Variants in UNC13C observed in about 807,000 individuals in gnomAD.
UNC13C encodes the protein protein unc-13 homolog C.
Under a neutral mutation model 245.4 loss-of-function variants are expected in UNC13C, and 174 were observed. That is an observed-to-expected ratio of 0.71 (90% CI 0.63 to 0.80). The LOEUF (loss-of-function observed/expected upper bound fraction) is 0.80. Ranked by LOEUF, UNC13C falls within the 30% of genes least tolerant of loss-of-function variation. The pLI, the probability that UNC13C is intolerant of heterozygous loss-of-function variation, is 0.00. For missense variants in UNC13C, 2,829 were observed against 2,602.9 expected, an observed-to-expected ratio of 1.09 and a Z score of -1.89; for synonymous variants, 992 against 895.1, an observed-to-expected ratio of 1.11 and a Z score of -1.93.
intron 30 of UNC13C, among the ~76,000 whole-genome samples, chr15:54,614,760 A>T (rs2141295880): frequency 6.6e-6 from 1 of 152,054 alleles, no homozygotes; most frequent in East Asian, 1.9e-4. Context: ...ATATACTTAG[A>T]CATTTTGCCC....
intron 29 of UNC13C, among the ~76,000 whole-genome samples, chr15:54,559,280 A>C (rs897164603): frequency 6.6e-6 from 1 of 152,068 alleles, no homozygotes; most frequent in African/African-American, 2.4e-5. Flanking sequence ...CCAGGCAAAC[A>C]TAAGAGCATG....
At chr15:54,484,284 A>C (rs1187927585) in intron 19 of UNC13C, among the ~76,000 whole-genome samples, 1 of 152,120 alleles carries the variant, frequency 6.6e-6, no homozygotes, top group Non-Finnish European at 1.5e-5. Flanking sequence ...TTGTTTTGAA[A>C]ATTTCCCCTA....
At chr15:54,050,887 T>C in intron 2 of UNC13C, 1 of 555,192 alleles carries the variant, frequency 1.8e-6, no homozygotes, top group Non-Finnish European at 3.6e-6. Flanking sequence ...TGACTCCACT[T>C]CCAGCAAAAA....
In UNC13C at chr15:54,255,568, T is replaced by C. The variant is rs534219708; in HGVS notation, c.3448+5124T>C. Among the ~76,000 whole-genome samples the C allele has an allele frequency of 9.3e-4, 141 of 152,338 alleles. 1 individual carries two copies. The highest frequency in any genetic ancestry group is 8.1e-3 in the South Asian group (39 of 4,824). On this transcript the variant is annotated intron_variant, in intron 8 of 32. Coordinates refer to ENST00000260323, the MANE Select transcript of UNC13C (RefSeq NM_001080534.3). ...GTTCGTCTGGATGTCCAGCCGCCTG[T>C]GTGTTCCTCTGCTGATGTGCTCCTC... is the stretch of plus-strand genomic sequence containing the variant.
intron 2 of UNC13C, among the ~76,000 whole-genome samples, chr15:54,027,189 A>G (rs1326521122): frequency 6.6e-6 from 1 of 151,808 alleles, no homozygotes; most frequent in East Asian, 1.9e-4. Context: ...AAAGAAAAAA[A>G]AAAAACAGGA....
Position 54,003,424 on chromosome 15 carries a change from A to G in UNC13C, c.-256-9224A>G, listed in dbSNP as rs574945972. ...GGGAATGGGGTCGGGCCATGCCAAG[A>G]TAGTAAACAGGCAAAGCTTATTCAA... On this transcript the variant is annotated intron_variant, in intron 1 of 32. Coordinates refer to ENST00000260323, the MANE Select transcript of UNC13C (RefSeq NM_001080534.3). 1.2e-3 allele frequency among the ~76,000 whole-genome samples: 176 copies of G among 152,312 alleles called. 1 individual carries two copies. Among genetic ancestry groups the G allele is most frequent in the African/African-American group, 4.1e-3 (171 of 41,564 alleles).
At chr15:54,293,686 T>C (rs16974445) in intron 10 of UNC13C, among the ~76,000 whole-genome samples, 10,862 of 152,038 alleles carry the variant, frequency 0.071, 1,316 homozygotes, top group African/African-American at 0.25. Flanking sequence ...GGAATGGGAT[T>C]TGATTTTCCC....
the UNC13C span, among the ~76,000 whole-genome samples, chr15:53,851,538 C>T: frequency 6.6e-6 from 1 of 152,178 alleles, no homozygotes; most frequent in Admixed American, 6.5e-5. Flanking sequence ...CTCTTTCTCT[C>T]TCTGTGTCTC....
chr15:54,024,365 A>G (rs1896017858), intron 2 of UNC13C, among the ~76,000 whole-genome samples: 1 of 152,238 alleles, frequency 6.6e-6, no homozygotes, highest in South Asian at 2.1e-4. Flanking sequence ...TACCTAAACT[A>G]AGACCCAAGG....
chr15:54,244,296 G>T (rs2035934686), intron 7 of UNC13C, among the ~76,000 whole-genome samples: 1 of 151,990 alleles, frequency 6.6e-6, no homozygotes, highest in Non-Finnish European at 1.5e-5. Context: ...GCATGGTCTT[G>T]TTTCTTATTT....
chr15:54,238,969 T>TA (rs1457849510), intron 7 of UNC13C, among the ~76,000 whole-genome samples: 2 of 152,020 alleles, frequency 1.3e-5, no homozygotes, highest in Non-Finnish European at 2.9e-5. Context: ...AAGCGATTTT[T>TA]AAAAAAAATT....
the UNC13C span, among the ~76,000 whole-genome samples, chr15:53,919,362 T>C: frequency 1.3e-5 from 2 of 152,196 alleles, no homozygotes; most frequent in African/African-American, 4.8e-5. Flanking sequence ...ACAGAAGAAC[T>C]TACTTGTCCT....
intron 4 of UNC13C, among the ~76,000 whole-genome samples, chr15:54,166,917 C>T (rs1049128083): frequency 1.2e-4 from 19 of 152,096 alleles, no homozygotes; most frequent in South Asian, 4.1e-4. Context: ...CCCATCTAAT[C>T]GTTGGATTCA....
chr15:54,203,030 A>ACATT (rs2034572930), intron 4 of UNC13C, among the ~76,000 whole-genome samples: 1 of 151,976 alleles, frequency 6.6e-6, no homozygotes, highest in Non-Finnish European at 1.5e-5. Flanking sequence ...TCAAAGGAAG[A>ACATT]TATAAAAATG....
intron 4 of UNC13C, among the ~76,000 whole-genome samples, chr15:54,163,911 A>G (rs2033067985): frequency 6.6e-6 from 1 of 152,196 alleles, no homozygotes; most frequent in Non-Finnish European, 1.5e-5. Context: ...AGCCTGCCTG[A>G]TTGTGAATTT....
In UNC13C at chr15:54,208,674, G is replaced by A. The variant is rs74019413; in HGVS notation, c.3072-26356G>A. 2.5e-3 allele frequency among the ~76,000 whole-genome samples: 382 copies of A among 152,212 alleles called. 3 individuals carry two copies. The highest frequency in any genetic ancestry group is 9.1e-3 in the African/African-American group (378 of 41,556). On this transcript the variant is annotated intron_variant, in intron 4 of 32. Transcript: ENST00000260323. ...TAAACCAGAATAAAGGGAATTGGAA[G>A]TGCTGAGGCAGGGTAAATTTTGGCA...
At chr15:54,099,045 T>C (rs1312693458) in intron 2 of UNC13C, among the ~76,000 whole-genome samples, 2 of 152,218 alleles carry the variant, frequency 1.3e-5, no homozygotes, top group African/African-American at 4.8e-5. Flanking sequence ...AGAAAACTTA[T>C]CAGAGGCTTA....
the UNC13C span, among the ~76,000 whole-genome samples, chr15:53,853,551 G>A: frequency 4.6e-5 from 7 of 152,076 alleles, no homozygotes; most frequent in Non-Finnish European, 1.5e-5. Flanking sequence ...CGGCCTCTAG[G>A]TCTTTGAGAA....
chr15:53,963,185 G>C, the UNC13C span, among the ~76,000 whole-genome samples: 2 of 152,144 alleles, frequency 1.3e-5, no homozygotes, highest in African/African-American at 4.8e-5. Flanking sequence ...ATGGTTTATA[G>C]AGGCAAACTC....
Sources: allele counts gnomAD v4.1 joint callset (sites outside exome capture counted in the v4.1 genomes callset), GRCh38; gene constraint gnomAD v4.1.1; transcripts MANE v1.5; gene names NCBI Gene and HGNC (gene_info 2026-07-23, HGNC 2026-07-21).